GRIP2: variants seen among roughly 807,000 people sequenced by gnomAD.
The protein encoded by GRIP2 is glutamate receptor-interacting protein 2.
A neutral mutation model predicts 108.3 loss-of-function variants in GRIP2; 58 were observed. The observed-to-expected ratio is 0.54, with a 90% CI of 0.43 to 0.67. The LOEUF (loss-of-function observed/expected upper bound fraction) is 0.67, where lower values mean the gene tolerates loss of function less well. Ranked by LOEUF, GRIP2 falls within the 30% of genes least tolerant of loss-of-function variation. The pLI is 0.00. For missense variants in GRIP2, 1,278 were observed against 1,430.6 expected (o/e 0.89, Z 1.72); for synonymous variants, 586 against 598.2 (o/e 0.98, Z 0.30).
intron 21 of GRIP2, among the ~76,000 whole-genome samples, chr3:14,499,562 G>GAA (rs371586747): frequency 2.2e-5 from 3 of 136,532 alleles, no homozygotes; most frequent in African/African-American, 7.6e-5. Context: ...CCAAAAAAAA[G>GAA]AAAAAAAAAA....
At chr3:14,574,332 T>C in the GRIP2 span, 3 of 1,031,874 alleles carry the variant, frequency 2.9e-6, no homozygotes. Flanking sequence ...GGCGAAGAGT[T>C]TGCGCACCGG....
rs529664035 is a variant in GRIP2 at position 14,516,839 on chromosome 3, A to C, written c.1306+225T>G. On this transcript the variant is annotated intron_variant, in intron 11 of 23. Transcript: ENST00000621039. ...TTCATAATAAAAATACAAGAATAAA[A>C]GTGTACAAAGTAACTGGCACCTCTC... Among the ~76,000 whole-genome samples, 584 of 152,318 alleles carry C rather than the reference A, an allele frequency of 3.8e-3. 1 individual carries two copies. Among genetic ancestry groups the C allele is most frequent in the Non-Finnish European group, 7.0e-3 (479 of 68,024 alleles).
chr3:14,534,351 G>T (rs74860940), intron 1 of GRIP2, among the ~76,000 whole-genome samples: 2 of 151,868 alleles, frequency 1.3e-5, no homozygotes, highest in African/African-American at 2.4e-5. Flanking sequence ...AAACCCCTTG[G>T]GGGGGTCAGA....
chr3:14,494,182 C>T (rs1256979618), intron 23 of GRIP2, among the ~76,000 whole-genome samples: 1 of 152,224 alleles, frequency 6.6e-6, no homozygotes, highest in African/African-American at 2.4e-5. Flanking sequence ...ATTTTACACC[C>T]ACTTTCTATT....
chr3:14,511,108 A>C lies in GRIP2; in HGVS notation c.1933+57T>G, dbSNP rs2124885366. 1 of 1,591,728 alleles carries C rather than the reference A, an allele frequency of 6.3e-7. No individual in the cohort carries two copies. The highest frequency in any genetic ancestry group is 8.6e-7 in the Non-Finnish European group (1 of 1,166,992). ...AGGGAGCCCTGAATTGCAAGCTGGG[A>C]ACCCGCTAGTCAAAGGGTGGGCCTC... On this transcript the variant is annotated intron_variant, in intron 16 of 23. Coordinates refer to ENST00000621039, the MANE Select transcript of GRIP2 (RefSeq NM_001080423.4). This position sits in a 1 kb window ranked among gnomAD's most constrained non-coding sequence, Gnocchi z 4.1.
chr3:14,530,749 T>G (rs1316766150), intron 1 of GRIP2, among the ~76,000 whole-genome samples: 2 of 152,216 alleles, frequency 1.3e-5, no homozygotes, highest in Non-Finnish European at 2.9e-5. Context: ...ATGTAGTAGG[T>G]GTATATATCT....
At chr3:14,575,785 G>A in the GRIP2 span, among the ~76,000 whole-genome samples, 15 of 152,344 alleles carry the variant, frequency 9.8e-5, no homozygotes, top group East Asian at 2.5e-3. Flanking sequence ...GCTGAGGCCC[G>A]CCCTGTCTCC....
chr3:14,521,118 G>A lies in GRIP2; in HGVS notation c.712+524C>T, dbSNP rs59766445. 4,358 of 167,564 alleles carry A rather than the reference G, an allele frequency of 0.026. 196 individuals are homozygous for A. The highest frequency in any genetic ancestry group is 0.093 in the African/African-American group (3,862 of 41,656). The allele number at this position is 167,564 out of a possible 1,614,324, so 10.4% of individuals were successfully genotyped here. ...GGCCTCCCGGCTTCCACCTCACCCT[G>A]CTCTGCCCTTACCTCCTTTCACTCA... On this transcript the variant is annotated intron_variant, in intron 7 of 23. Coordinates refer to ENST00000621039, the MANE Select transcript of GRIP2 (RefSeq NM_001080423.4). This position sits in a 1 kb window ranked among gnomAD's most constrained non-coding sequence, Gnocchi z 5.1.
At chr3:14,586,793 T>C in the GRIP2 span, among the ~76,000 whole-genome samples, 1 of 152,182 alleles carries the variant, frequency 6.6e-6, no homozygotes, top group Non-Finnish European at 1.5e-5. Flanking sequence ...AACCTTGATG[T>C]CCAACCATGG....
intron 21 of GRIP2, among the ~76,000 whole-genome samples, chr3:14,503,222 G>T (rs1247147171): frequency 2.0e-5 from 3 of 151,212 alleles, no homozygotes; most frequent in African/African-American, 7.4e-5. Context: ...TGCACAATCG[G>T]ACACACATGT....
At position 14,511,122 on chromosome 3, in the gene GRIP2, AG is replaced by A; in HGVS notation, c.1933+42del. 1 of 1,605,650 alleles carries A rather than the reference AG, an allele frequency of 6.2e-7. No homozygotes were observed. The highest frequency in any genetic ancestry group is 8.5e-7 in the Non-Finnish European group (1 of 1,175,196). On this transcript the variant is annotated intron_variant, in intron 16 of 23. Coordinates refer to ENST00000621039, the MANE Select transcript of GRIP2 (RefSeq NM_001080423.4). This position sits in a 1 kb window ranked among gnomAD's most constrained non-coding sequence, Gnocchi z 4.1. ...TGCAAGCTGGGAACCCGCTAGTCAA[AG>A]GGTGGGCCTCTGGAGGTAGGAGGCC... is the stretch of plus-strand genomic sequence containing the variant.
intron 1 of GRIP2, among the ~76,000 whole-genome samples, chr3:14,527,113 G>A (rs528454872): frequency 2.6e-5 from 4 of 152,260 alleles, no homozygotes; most frequent in African/African-American, 9.6e-5. Context: ...CTTGAATTTG[G>A]GAAGTCGAGA....
the GRIP2 span, among the ~76,000 whole-genome samples, chr3:14,577,964 G>A: frequency 6.6e-6 from 1 of 152,246 alleles, no homozygotes; most frequent in African/African-American, 2.4e-5. Flanking sequence ...GGCCTGTGGG[G>A]TGAACAGGAT....
intron 1 of GRIP2, among the ~76,000 whole-genome samples, chr3:14,528,733 G>A (rs1006765592): frequency 6.6e-5 from 10 of 151,970 alleles, no homozygotes; most frequent in African/African-American, 2.4e-4. Context: ...CATGTGCAGA[G>A]GTATCTTACT....
At chr3:14,520,736 T>C (rs1039933698) in intron 7 of GRIP2, 199 bp from the exon 8 acceptor site, 5 of 620,018 alleles carry the variant, frequency 8.1e-6, no homozygotes, top group Non-Finnish European at 1.4e-5. Flanking sequence ...AAGATAGCAG[T>C]GGAGGAGGGG....
At chr3:14,560,720 T>C (rs141247580), upstream of GRIP2, among the ~76,000 whole-genome samples, 18 of 152,104 alleles carry the variant, frequency 1.2e-4, no homozygotes, top group Admixed American at 4.6e-4. Context: ...CCACCATGCC[T>C]GAAGTTGGGT....
intron 1 of GRIP2, among the ~76,000 whole-genome samples, chr3:14,550,321 A>C (rs1695126543): frequency 6.6e-6 from 1 of 152,088 alleles, no homozygotes; most frequent in Non-Finnish European, 1.5e-5. Flanking sequence ...GCCCTTCAAG[A>C]CTGCTGCCCC....
chr3:14,583,713 T>G, the GRIP2 span, among the ~76,000 whole-genome samples: 1 of 152,228 alleles, frequency 6.6e-6, no homozygotes, highest in Non-Finnish European at 1.5e-5. Context: ...GCTACGCTGC[T>G]GACTGTCACT....
chr3:14,565,963 C>T, the GRIP2 span, among the ~76,000 whole-genome samples: 2 of 152,244 alleles, frequency 1.3e-5, no homozygotes, highest in Non-Finnish European at 2.9e-5. Context: ...TTGCTAGTGG[C>T]AGGGCCATCT....
Sources: allele counts gnomAD v4.1 joint callset (sites outside exome capture counted in the v4.1 genomes callset), GRCh38; gene constraint gnomAD v4.1.1; non-coding constraint Gnocchi (gnomAD v3.1); transcripts MANE v1.5; gene names NCBI Gene and HGNC (gene_info 2026-07-23, HGNC 2026-07-21).